Variants in PSD3 observed in about 807,000 individuals in gnomAD.
PSD3 encodes pleckstrin and Sec7 domain containing 3.
PSD3 carries 49 observed loss-of-function variants against 105.5 expected under a neutral mutation model. The observed-to-expected ratio is 0.46, with a 90% CI of 0.37 to 0.59. The LOEUF (loss-of-function observed/expected upper bound fraction) is 0.59. PSD3 is among the 20% of genes least tolerant of loss of function. The probability of loss-of-function intolerance (pLI) is 0.00; values close to 1 mark genes in which losing one functional copy is unlikely to be tolerated. For synonymous variants in PSD3, 557 were observed against 457.8 expected (o/e 1.22, Z -2.77); for missense variants, 1,561 against 1,263.8 (o/e 1.24, Z -3.57).
intron 9 of PSD3, among the ~76,000 whole-genome samples, chr8:18,688,958 T>G (rs890580639): frequency 6.6e-6 from 1 of 152,174 alleles, no homozygotes; most frequent in African/African-American, 2.4e-5. Context: ...CAAATCAAAA[T>G]AGCAGGAGAC....
upstream of PSD3, among the ~76,000 whole-genome samples, chr8:19,015,829 G>A (rs1469329722): frequency 6.6e-6 from 1 of 152,208 alleles, no homozygotes; most frequent in East Asian, 1.9e-4. Context: ...CATAAGTGAA[G>A]CCACAGAAAT....
At chr8:18,761,697 AT>A (rs1464045129) in intron 9 of PSD3, among the ~76,000 whole-genome samples, 2 of 152,212 alleles carry the variant, frequency 1.3e-5, no homozygotes, top group African/African-American at 4.8e-5. Context: ...TGTAATACTT[AT>A]TAGAGCCTTA....
chr8:19,051,132 T>C (rs1828514290), intron 1 of PSD3, among the ~76,000 whole-genome samples: 1 of 152,132 alleles, frequency 6.6e-6, no homozygotes, highest in East Asian at 1.9e-4. Flanking sequence ...ATAAAGACCT[T>C]CAGCATCTCC....
Position 18,872,731 on chromosome 8 carries a change from C to T in PSD3, c.133G>A (p.Asp45Asn). 3.2e-6 allele frequency: 5 copies of T among 1,553,604 alleles called. No homozygotes were observed. The highest frequency in any genetic ancestry group is 2.2e-5 in the East Asian group (1 of 44,538). The change falls in exon 3 of 16, where the codon GAT becomes AAT. Residue 45 changes from aspartate (D) to asparagine (N), a missense_variant and splice_region_variant. Asp to Asn is a conservative substitution (Grantham distance 23). Transcript: ENST00000327040. Reference sequence around the variant, plus strand: ...GGGAGTAAAGTGCTTCCTCCATGATCACCTGTGAAGAGAACACAATGGACA... The same window carrying T: ...GGGAGTAAAGTGCTTCCTCCATGATTACCTGTGAAGAGAACACAATGGACA... ...RSEGKAPDTS[D>N]HGGSTLLPPN...
intron 9 of PSD3, among the ~76,000 whole-genome samples, chr8:18,750,369 T>C (rs1395933362): frequency 2.0e-5 from 3 of 151,862 alleles, no homozygotes; most frequent in South Asian, 4.2e-4. Flanking sequence ...TGCAGACCTT[T>C]GCGATGAGTG....
chr8:18,907,568 T>G (rs1819927103), intron 2 of PSD3, among the ~76,000 whole-genome samples: 1 of 152,236 alleles, frequency 6.6e-6, no homozygotes, highest in South Asian at 2.1e-4. Context: ...AACTGTCTAC[T>G]GCATTAAGGC....
At chr8:18,583,902 A>C (rs1435094674) in intron 12 of PSD3, among the ~76,000 whole-genome samples, 3 of 152,272 alleles carry the variant, frequency 2.0e-5, no homozygotes, top group East Asian at 3.9e-4. Flanking sequence ...CAAAGTCCTA[A>C]TCTTATATAT....
At chr8:19,084,105 A>C (rs1829731062) in intron 1 of PSD3, 2 of 368,862 alleles carry the variant, frequency 5.4e-6, no homozygotes, top group Non-Finnish European at 1.1e-5. Context: ...GGCCCATCTA[A>C]GCAGAGGAGA....
chr8:18,985,183 C>T (rs888498422), intron 1 of PSD3, among the ~76,000 whole-genome samples: 2 of 152,236 alleles, frequency 1.3e-5, no homozygotes, highest in African/African-American at 2.4e-5. Context: ...ATCTGCCCGC[C>T]TTGACCTCCC....
chr8:18,630,523 C>A (rs1408897836), intron 11 of PSD3, among the ~76,000 whole-genome samples: 1 of 151,866 alleles, frequency 6.6e-6, no homozygotes, highest in African/African-American at 2.4e-5. Flanking sequence ...CAATCCATTG[C>A]TAGGAAATGA....
chr8:18,750,842 G>A (rs1421330694), intron 9 of PSD3, among the ~76,000 whole-genome samples: 3 of 152,128 alleles, frequency 2.0e-5, no homozygotes, highest in African/African-American at 7.2e-5. Flanking sequence ...CAAACCCTGA[G>A]CTAGACACAG....
At chr8:18,763,529 C>T (rs1012730226) in intron 9 of PSD3, among the ~76,000 whole-genome samples, 8 of 151,610 alleles carry the variant, frequency 5.3e-5, no homozygotes, top group South Asian at 2.1e-4. Flanking sequence ...GGGAATCCAG[C>T]GACAGCTATT....
chr8:18,844,057 A>G lies in PSD3; in HGVS notation c.1634+23617T>C, dbSNP rs191852348. Among the ~76,000 whole-genome samples, 52 of 152,240 alleles carry G rather than the reference A, an allele frequency of 3.4e-4. 1 individual carries two copies. In the East Asian group the frequency reaches 9.5e-3, roughly 28 times the overall value. ...ATTGGGTTTTGAGTTCTGGTCCCAC[A>G]AGACAGATGTCCAGCAGCTGGCTCT... is the stretch of plus-strand genomic sequence containing the variant. On this transcript the variant is annotated intron_variant, in intron 4 of 15. Transcript: ENST00000327040.
At chr8:18,764,459 T>A (rs984300836) in intron 9 of PSD3, among the ~76,000 whole-genome samples, 3 of 152,184 alleles carry the variant, frequency 2.0e-5, no homozygotes, top group African/African-American at 7.2e-5. Flanking sequence ...TTTTTTTTCA[T>A]AATTTCTTGT....
chr8:18,600,132 G>C (rs529808853), intron 12 of PSD3, among the ~76,000 whole-genome samples: 3 of 152,270 alleles, frequency 2.0e-5, no homozygotes, highest in East Asian at 3.9e-4. Context: ...TTCACAGCTG[G>C]TCAGGATGCA....
intron 9 of PSD3, among the ~76,000 whole-genome samples, chr8:18,707,653 G>A (rs1455179097): frequency 6.6e-6 from 1 of 152,220 alleles, no homozygotes; most frequent in Non-Finnish European, 1.5e-5. Context: ...GAGGTCAGAA[G>A]TGGTACGGCT....
At chr8:18,848,673 T>C (rs1253297584) in intron 4 of PSD3, among the ~76,000 whole-genome samples, 2 of 152,068 alleles carry the variant, frequency 1.3e-5, no homozygotes, top group African/African-American at 4.8e-5. Context: ...TGCCTATTTT[T>C]GTTGTTACTA....
chr8:18,922,043 T>C (rs1183930056), intron 2 of PSD3, among the ~76,000 whole-genome samples: 3 of 152,188 alleles, frequency 2.0e-5, no homozygotes, highest in Non-Finnish European at 4.4e-5. Context: ...AAAATGCCAG[T>C]ATGTCACTTC....
chr8:18,856,554 G>A lies in PSD3; in HGVS notation c.1634+11120C>T, dbSNP rs147045167. ...CTACGAATAATGAAATTTTAGGATTGCTTCGCAATAGTAACTATTCAATAC... is the reference window on the plus strand; with the variant it reads ...CTACGAATAATGAAATTTTAGGATTACTTCGCAATAGTAACTATTCAATAC... On this transcript the variant is annotated intron_variant, in intron 4 of 15. Transcript: ENST00000327040. Among the ~76,000 whole-genome samples, 35 of 152,304 alleles carry A rather than the reference G, an allele frequency of 2.3e-4. No individual in the cohort carries two copies. In the East Asian group the frequency reaches 6.7e-3, roughly 29 times the overall value.
Sources: allele counts gnomAD v4.1 joint callset (sites outside exome capture counted in the v4.1 genomes callset), GRCh38; gene constraint gnomAD v4.1.1; transcripts MANE v1.5; gene names NCBI Gene and HGNC (gene_info 2026-07-23, HGNC 2026-07-21).